Variants in IGF1R observed in about 807,000 individuals in gnomAD.
The protein encoded by IGF1R is insulin-like growth factor 1 receptor.
IGF1R carries 44 observed loss-of-function variants against 144.6 expected under a neutral mutation model. The ratio of observed to expected loss-of-function variants is 0.30; its 90% CI spans 0.24 to 0.39. The LOEUF is 0.39. Ranked by LOEUF, IGF1R falls within the 10% of genes least tolerant of loss-of-function variation. IGF1R has a pLI of 1.00. For missense variants in IGF1R, 1,355 were observed against 1,833.7 expected (o/e 0.74, Z 4.77); for synonymous variants, 795 against 722.8 (o/e 1.10, Z -1.60).
intron 2 of IGF1R, among the ~76,000 whole-genome samples, chr15:98,750,240 C>A (rs115595294): frequency 6.6e-6 from 1 of 152,138 alleles, no homozygotes; most frequent in African/African-American, 2.4e-5. Flanking sequence ...GGCTGTGCTC[C>A]CTTGTTGGGG....
At chr15:98,913,634 C>G (rs561101721) in intron 8 of IGF1R, among the ~76,000 whole-genome samples, 1 of 152,218 alleles carries the variant, frequency 6.6e-6, no homozygotes, top group Non-Finnish European at 1.5e-5. Flanking sequence ...TGAAACCATG[C>G]TGATCTGTGT....
At chr15:98,733,661 C>T (rs1265010771) in intron 2 of IGF1R, among the ~76,000 whole-genome samples, 1 of 152,134 alleles carries the variant, frequency 6.6e-6, no homozygotes, top group East Asian at 1.9e-4. Flanking sequence ...AGTTTGCTGT[C>T]TGACTACCTG....
chr15:98,940,896 G>C lies in IGF1R; in HGVS notation c.3457+1536G>C, dbSNP rs186910880. 1.6e-4 allele frequency among the ~76,000 whole-genome samples: 25 copies of C among 152,324 alleles called. No individual in the cohort carries two copies. The East Asian group carries it at 4.8e-3, about 29-fold the overall frequency. ...GTTTGGTGCTCTGTGAAGCTGGGCA[G>C]CCCTCAGAGAGGCAAAGAAGTCCCA... is the stretch of plus-strand genomic sequence containing the variant. On this transcript the variant is annotated intron_variant, in intron 18 of 20. Transcript: ENST00000650285.
intron 2 of IGF1R, among the ~76,000 whole-genome samples, chr15:98,884,663 GAC>G (rs2013547523): frequency 7.9e-6 from 1 of 126,536 alleles, no homozygotes; most frequent in Non-Finnish European, 1.6e-5. Context: ...CCAGCCTGGT[GAC>G]AGAGTGACAC....
At chr15:98,927,098 C>T (rs896954663) in intron 13 of IGF1R, among the ~76,000 whole-genome samples, 2 of 152,210 alleles carry the variant, frequency 1.3e-5, no homozygotes, top group East Asian at 3.8e-4. Context: ...TCTGGCTTTG[C>T]TGCTCCATTT....
chr15:98,884,183 G>T (rs2013523245), intron 2 of IGF1R, among the ~76,000 whole-genome samples: 1 of 152,076 alleles, frequency 6.6e-6, no homozygotes, highest in South Asian at 2.1e-4. Context: ...TGTGTGCTGT[G>T]ATCTCTCCTG....
intron 2 of IGF1R, among the ~76,000 whole-genome samples, chr15:98,854,238 C>A (rs751082313): frequency 1.4e-4 from 22 of 152,250 alleles, no homozygotes; most frequent in Non-Finnish European, 3.1e-4. Context: ...TGATTGAAGG[C>A]AGAAAGACAC....
chr15:98,674,977 ATTTTTT>A (rs71149408), intron 1 of IGF1R, among the ~76,000 whole-genome samples: 30 of 98,906 alleles, frequency 3.0e-4, no homozygotes, highest in South Asian at 1.3e-3. Flanking sequence ...GTATTTTACA[ATTTTTT>A]TTTTTTTTTT....
chr15:98,741,950 C>T (rs1370610238), intron 2 of IGF1R, among the ~76,000 whole-genome samples: 1 of 152,164 alleles, frequency 6.6e-6, no homozygotes, highest in African/African-American at 2.4e-5. Context: ...CAAGAAAGAC[C>T]TGCAGTATGC....
Position 98,961,969 on chromosome 15 carries a change from C to T in IGF1R, c.*4527C>T, listed in dbSNP as rs531672368. 4.3e-6 allele frequency: 1 copy of T among 233,330 alleles called. No homozygotes were observed. 14.5% of individuals were successfully genotyped at this position (233,330 alleles called of 1,614,324 possible). A position where few individuals can be genotyped will look rare whatever the true frequency, so the allele number is the denominator to read the frequency against. On this transcript the variant is annotated 3_prime_UTR_variant, in exon 21 of 21. Coordinates refer to ENST00000650285, the MANE Select transcript of IGF1R (RefSeq NM_000875.5). ...ACCAAATGGCGAGATGCTCGGTGCA[C>T]ATTGGGGTGCTTTGGGATAAAAGAT...
At chr15:98,950,132 A>T (rs1484020935) in intron 20 of IGF1R, among the ~76,000 whole-genome samples, 1 of 152,190 alleles carries the variant, frequency 6.6e-6, no homozygotes, top group Non-Finnish European at 1.5e-5. Context: ...TTTGGAAAGG[A>T]TCCTGAGGAA....
intron 20 of IGF1R, among the ~76,000 whole-genome samples, chr15:98,953,358 CACA>C (rs1238055648): frequency 6.6e-6 from 1 of 152,182 alleles, no homozygotes; most frequent in African/African-American, 2.4e-5. Flanking sequence ...TAGCAGGTAT[CACA>C]ACATCAGATT....
intron 2 of IGF1R, among the ~76,000 whole-genome samples, chr15:98,886,924 A>G (rs565582630): frequency 6.6e-6 from 1 of 152,202 alleles, no homozygotes; most frequent in South Asian, 2.1e-4. Flanking sequence ...CTCTGCAGCA[A>G]TGCTTATTTA....
At chr15:98,910,952 C>A (rs763093895) in intron 6 of IGF1R, among the ~76,000 whole-genome samples, 4 of 152,242 alleles carry the variant, frequency 2.6e-5, no homozygotes, top group Admixed American at 2.6e-4. Context: ...TAAAGGCTCA[C>A]CTTCACCCTA....
rs1362890080 is a variant in IGF1R, at chr15:98,832,568, C to A, written c.641-58757C>A. On this transcript the variant is annotated intron_variant, in intron 2 of 20. Transcript: ENST00000650285. Reference sequence around the variant, plus strand: ...ATGATAATCCTTTTACAGATATATTCACAAGTTTCTGTGAATGTGAATTAA... The same window carrying A: ...ATGATAATCCTTTTACAGATATATTAACAAGTTTCTGTGAATGTGAATTAA... Among the ~76,000 whole-genome samples the A allele has an allele frequency of 2.0e-5, 3 of 152,174 alleles. No homozygotes were observed. The East Asian group carries it at 5.8e-4, about 29-fold the overall frequency.
chr15:98,716,054 A>G (rs1448907907), intron 2 of IGF1R, among the ~76,000 whole-genome samples: 1 of 152,218 alleles, frequency 6.6e-6, no homozygotes, highest in East Asian at 1.9e-4. Flanking sequence ...CCCCAGGGGT[A>G]CATGGGACTT....
intron 2 of IGF1R, among the ~76,000 whole-genome samples, chr15:98,781,929 G>A (rs2055869419): frequency 6.6e-6 from 1 of 152,094 alleles, no homozygotes; most frequent in Admixed American, 6.6e-5. Context: ...AATCCTCTGA[G>A]CATCTTTTCA....
At chr15:98,708,911 G>A (rs1488859989) in intron 2 of IGF1R, among the ~76,000 whole-genome samples, 1 of 152,200 alleles carries the variant, frequency 6.6e-6, no homozygotes, top group Non-Finnish European at 1.5e-5. Flanking sequence ...GAAGCTTCTT[G>A]TATATTTATC....
rs140426972 is a variant in IGF1R, at chr15:98,679,747, G to C, written c.95-27815G>C. 9.8e-4 allele frequency among the ~76,000 whole-genome samples: 149 copies of C among 152,262 alleles called. 4 individuals carry two copies. In the East Asian group the frequency reaches 0.027, roughly 28 times the overall value. ...CAAAATTAATTGTAAAATAGCCTCA[G>C]GCAGGTCCTTCAGGAGGTATCCAGA... On this transcript the variant is annotated intron_variant, in intron 1 of 20. Coordinates refer to ENST00000650285, the MANE Select transcript of IGF1R (RefSeq NM_000875.5).
Sources: gnomAD v4.1 joint callset for allele counts (sites outside exome capture counted in the v4.1 genomes callset) on GRCh38, gnomAD v4.1.1 for gene constraint, MANE v1.5 for transcripts, NCBI Gene and HGNC (gene_info 2026-07-23, HGNC 2026-07-21) for gene names.